The following GFM2 variants were observed in gnomAD, a reference collection of about 807,000 sequenced individuals.
GFM2 encodes GTP dependent ribosome recycling factor mitochondrial 2.
In GFM2, 72 loss-of-function variants were observed where a neutral mutation model predicts 95.4. The ratio of observed to expected loss-of-function variants is 0.76; its 90% confidence interval spans 0.62 to 0.92. The LOEUF is 0.92. Among genes scored for constraint, GFM2 ranks in the 40% least tolerant of loss-of-function variants. GFM2 has a pLI of 0.00. For missense variants in GFM2, 825 were observed against 924.1 expected (o/e 0.89, Z 1.39); for synonymous variants, 276 against 317.5 (o/e 0.87, Z 1.39).
rs1580005784 is a variant in GFM2 at position 74,750,583 on chromosome 5, A to G, written c.515T>C (p.Val172Ala). ...AVAVFDASAGVEAQTLTVWRQ... is the reference protein window; with the variant it reads ...AVAVFDASAGAEAQTLTVWRQ... ...TACTTTGGCAATATTATTTACCTCTACACCAGCAGAGGCATCAAATACAGC... is the reference window on the plus strand; with the variant it reads ...TACTTTGGCAATATTATTTACCTCTGCACCAGCAGAGGCATCAAATACAGC... Residue 172 changes from valine to alanine, a missense_variant, in exon 7 of 21, where the codon GTA (valine) becomes GCA (alanine). By Grantham distance (64) the Val-to-Ala change is moderately conservative. Coordinates refer to ENST00000296805, the MANE Select transcript of GFM2 (RefSeq NM_032380.5). The G allele has an allele frequency of 1.9e-6, 3 of 1,606,694 alleles. No homozygotes were observed. In the East Asian group the frequency reaches 6.7e-5, roughly 36 times the overall value.
intron 16 of GFM2, 44 bp downstream of exon 16, chr5:74,732,978 A>ACTCT: frequency 1.1e-6 from 1 of 946,480 alleles, no homozygotes; most frequent in African/African-American, 1.8e-5. Context: ...ACACACACAC[A>ACTCT]CTCTTATAGA....
chr5:74,737,592 T>C (rs549334021), intron 14 of GFM2, among the ~76,000 whole-genome samples: 43 of 152,276 alleles, frequency 2.8e-4, no homozygotes, highest in African/African-American at 9.9e-4. Context: ...TTCAGGGAGA[T>C]AGAGGGGACA....
chr5:74,742,823 C>T (rs903719475), intron 10 of GFM2, among the ~76,000 whole-genome samples: 3 of 152,202 alleles, frequency 2.0e-5, no homozygotes, highest in East Asian at 1.9e-4. Context: ...CGTGCCACCA[C>T]GCCCAGCTAA....
At chr5:74,732,525 ATC>A (rs1742625399) in intron 16 of GFM2, among the ~76,000 whole-genome samples, 1 of 152,150 alleles carries the variant, frequency 6.6e-6, no homozygotes, top group Non-Finnish European at 1.5e-5. Context: ...GAATCAAAAC[ATC>A]TGTTCTACTG....
intron 10 of GFM2, among the ~76,000 whole-genome samples, chr5:74,743,511 A>G (rs1052290928): frequency 3.3e-5 from 5 of 152,202 alleles, no homozygotes; most frequent in Non-Finnish European, 7.4e-5. Context: ...TTAGCATATT[A>G]TTAGCTACTG....
In GFM2 at chr5:74,721,633, TTCTCTCCAAAAACTAAA is replaced by T; in HGVS notation, c.*5_*21del. ...ATGAAGTAGCTAGGTGCTCCTGAAT[TTCTCTCCAAAAACTAAA>T]ACATTTAGGTCAAACCACTTCTCCG... is the stretch of plus-strand genomic sequence containing the variant. On this transcript the variant is annotated 3_prime_UTR_variant, in exon 21 of 21. Coordinates refer to ENST00000296805, the MANE Select transcript of GFM2 (RefSeq NM_032380.5). 1 of 1,602,796 alleles carries T rather than the reference TTCTCTCCAAAAACTAAA, an allele frequency of 6.2e-7. No individual in the cohort carries two copies. Among genetic ancestry groups the T allele is most frequent in the Non-Finnish European group, 8.5e-7 (1 of 1,175,956 alleles).
chr5:74,727,821 C>T (rs1302551671), intron 17 of GFM2, among the ~76,000 whole-genome samples: 1 of 152,126 alleles, frequency 6.6e-6, no homozygotes, highest in African/African-American at 2.4e-5. Context: ...TACATGTATA[C>T]ATCGTGGAAT....
At chr5:74,749,294 G>C (rs1210924858) in intron 7 of GFM2, among the ~76,000 whole-genome samples, 1 of 152,120 alleles carries the variant, frequency 6.6e-6, no homozygotes, top group East Asian at 1.9e-4. Context: ...GGGATTACAG[G>C]TGTGAGCCAC....
intron 20 of GFM2, 134 bp downstream of exon 20, chr5:74,722,245 T>TGAAAC (rs1448092671): frequency 1.3e-6 from 1 of 753,804 alleles, no homozygotes; most frequent in African/African-American, 1.7e-5. Flanking sequence ...TCCTGCTGGT[T>TGAAAC]GAAACGAAAC....
At chr5:74,752,236 A>G (rs1457257018) in intron 5 of GFM2, among the ~76,000 whole-genome samples, 1 of 152,232 alleles carries the variant, frequency 6.6e-6, no homozygotes, top group African/African-American at 2.4e-5. Context: ...ATTGTGCAGT[A>G]AAATTCTGTA....
chr5:74,758,872 G>C lies in GFM2; in HGVS notation c.281C>G (p.Ser94Cys), dbSNP rs769415925. ...TTTTERILYY[S>C]GYTRSLGDVD... ...ACCTCCCAGTGATCTTGTATATCCG[G>C]AATAGTACAATATTCTTTCTGTGGT... is the stretch of plus-strand genomic sequence containing the variant. The change falls in exon 5 of 21, where the codon TCC becomes TGC. Residue 94 changes from serine (S) to cysteine (C), a missense_variant. Coordinates refer to ENST00000296805, the MANE Select transcript of GFM2 (RefSeq NM_032380.5). The C allele has an allele frequency of 1.9e-6, 3 of 1,603,286 alleles. No individual in the cohort carries two copies. Among genetic ancestry groups the C allele is most frequent in the Non-Finnish European group, 2.6e-6 (3 of 1,170,298 alleles).
At position 74,722,550 on chromosome 5, in the gene GFM2, T is replaced by G; in HGVS notation, c.2040A>C (p.Lys680Asn). ...GAGGCTCCAAAACTTGCTTATCAGC[T>G]TTCTTCAGAGCCTAAAGAAATTAAA... ...VSRCVQKALK[K>N]ADKQVLEPLM... The change falls in exon 20 of 21, where the codon AAA becomes AAC. Residue 680 changes from lysine to asparagine, a missense_variant. By Grantham distance (94) the Lys-to-Asn change is moderately conservative. Transcript: ENST00000296805. The G allele has an allele frequency of 1.2e-6, 2 of 1,611,700 alleles. No homozygotes were observed. The highest frequency in any genetic ancestry group is 1.1e-5 in the South Asian group (1 of 90,496).
At chr5:74,756,210 T>G (rs1743973097) in intron 5 of GFM2, among the ~76,000 whole-genome samples, 2 of 152,236 alleles carry the variant, frequency 1.3e-5, no homozygotes, top group South Asian at 4.1e-4. Context: ...GGACATACCT[T>G]AAAGTAATGA....
At chr5:74,764,628 C>A (rs1744449004) in intron 1 of GFM2, among the ~76,000 whole-genome samples, 1 of 151,460 alleles carries the variant, frequency 6.6e-6, no homozygotes, top group South Asian at 2.1e-4. Context: ...CCATTGTGAT[C>A]CATGTTATTA....
rs948714004 is a variant in GFM2, at chr5:74,764,238, T to C, written c.-24-472A>G. Among the ~76,000 whole-genome samples the C allele has an allele frequency of 4.6e-5, 7 of 152,360 alleles. No homozygotes were observed. The South Asian group carries it at 6.2e-4, about 14-fold the overall frequency. On this transcript the variant is annotated intron_variant, in intron 1 of 20. Transcript: ENST00000296805. Reference sequence around the variant, plus strand: ...CATGTAAAAAATATATAAAAGCAAGTCCTCTTCCTCTCTGATTATAGAAAC... The same window carrying C: ...CATGTAAAAAATATATAAAAGCAAGCCCTCTTCCTCTCTGATTATAGAAAC...
chr5:74,728,472 G>A (rs1030975596), intron 17 of GFM2, among the ~76,000 whole-genome samples: 3 of 152,166 alleles, frequency 2.0e-5, no homozygotes, highest in Non-Finnish European at 4.4e-5. Flanking sequence ...CTTGCTGTCT[G>A]AGGGATGGCA....
At chr5:74,751,315 C>T in intron 6 of GFM2, 53 bp downstream of exon 6, 10 of 1,549,580 alleles carry the variant, frequency 6.5e-6, no homozygotes, top group South Asian at 1.2e-5. Context: ...CCCAGAAAAA[C>T]AAAAAAACTC....
intron 15 of GFM2, among the ~76,000 whole-genome samples, chr5:74,734,729 C>A (rs992053616): frequency 1.3e-5 from 2 of 151,978 alleles, no homozygotes; most frequent in African/African-American, 4.8e-5. Context: ...TAACAGGTAT[C>A]GAGGGTTATA....
chr5:74,752,071 C>G (rs932868432), intron 5 of GFM2, among the ~76,000 whole-genome samples: 4 of 151,996 alleles, frequency 2.6e-5, no homozygotes, highest in Non-Finnish European at 5.9e-5. Context: ...AAAATTCATC[C>G]AATATTAAAT....
Sources: allele counts gnomAD v4.1 joint callset (sites outside exome capture counted in the v4.1 genomes callset), GRCh38; gene constraint gnomAD v4.1.1; transcripts MANE v1.5; gene names NCBI Gene and HGNC (gene_info 2026-07-23, HGNC 2026-07-21).